The following LOC400499 variants were observed in gnomAD, a reference collection of about 807,000 sequenced individuals.
chr16:11,414,408 C>G, the LOC400499 span: 1 of 399,694 alleles, frequency 2.5e-6, no homozygotes, highest in Non-Finnish European at 4.4e-6. Flanking sequence ...TGGCCACCAG[C>G]TGCAGTGGGC....
At chr16:11,400,536 G>A in the LOC400499 span, among the ~76,000 whole-genome samples, 1 of 151,860 alleles carries the variant, frequency 6.6e-6, no homozygotes, top group Admixed American at 6.6e-5. Flanking sequence ...CACCTCCAGG[G>A]CTCAAACGAT....
At chr16:11,386,642 G>C in the LOC400499 span, among the ~76,000 whole-genome samples, 1 of 152,216 alleles carries the variant, frequency 6.6e-6, no homozygotes, top group Non-Finnish European at 1.5e-5. Context: ...TTTCACGGTG[G>C]AGCAAATAGA....
chr16:11,463,235 G>A, the LOC400499 span, among the ~76,000 whole-genome samples: 2 of 149,996 alleles, frequency 1.3e-5, no homozygotes, highest in African/African-American at 2.5e-5. Flanking sequence ...TGATGGCCCC[G>A]CCAACCTGTA....
the LOC400499 span, among the ~76,000 whole-genome samples, chr16:11,420,155 T>G: frequency 1.3e-5 from 2 of 150,716 alleles, no homozygotes; most frequent in South Asian, 4.2e-4. Flanking sequence ...GTATGTTTAT[T>G]GCGGCACTAT....
chr16:11,450,493 C>T, the LOC400499 span: 2 of 1,010,772 alleles, frequency 2.0e-6, no homozygotes, highest in Admixed American at 4.8e-5. Context: ...GGCCAGACTT[C>T]ACACACCTGT....
the LOC400499 span, among the ~76,000 whole-genome samples, chr16:11,413,281 A>G: frequency 6.6e-6 from 1 of 152,170 alleles, no homozygotes; most frequent in Admixed American, 6.5e-5. Flanking sequence ...GGCACAGGGT[A>G]TCCAGTCCAC....
the LOC400499 span, among the ~76,000 whole-genome samples, chr16:11,390,828 T>A: frequency 1.1e-3 from 171 of 152,308 alleles, no homozygotes; most frequent in Non-Finnish European, 2.1e-3. Context: ...AAGCAGCACC[T>A]GCCAGTGTGG....
the LOC400499 span, among the ~76,000 whole-genome samples, chr16:11,428,394 G>C: frequency 6.6e-6 from 1 of 152,190 alleles, no homozygotes; most frequent in Non-Finnish European, 1.5e-5. Flanking sequence ...GGCTAGTCTC[G>C]AACTCCTGAC....
chr16:11,428,136 A>G, the LOC400499 span, among the ~76,000 whole-genome samples: 4 of 152,178 alleles, frequency 2.6e-5, no homozygotes, highest in East Asian at 7.7e-4. Context: ...TCTTGATTAT[A>G]TGCTAAACTA....
At chr16:11,490,734 C>T in the LOC400499 span, among the ~76,000 whole-genome samples, 1 of 152,098 alleles carries the variant, frequency 6.6e-6, no homozygotes, top group African/African-American at 2.4e-5. Context: ...GCCAAGAGCA[C>T]AACAGCAAGT....
the LOC400499 span, chr16:11,385,402 C>G: frequency 8.1e-7 from 1 of 1,232,250 alleles, no homozygotes; most frequent in Non-Finnish European, 1.0e-6. Context: ...TGGGCCCCAG[C>G]CACCAGGGCA....
the LOC400499 span, chr16:11,385,302 A>C: frequency 1.6e-6 from 2 of 1,232,260 alleles, no homozygotes; most frequent in Non-Finnish European, 2.0e-6. Context: ...CGTCAGCGAG[A>C]ATGTGTTGTG....
At chr16:11,480,623 TAAG>T in the LOC400499 span, among the ~76,000 whole-genome samples, 1,904 of 152,056 alleles carry the variant, frequency 0.013, 29 homozygotes, top group African/African-American at 0.044. Flanking sequence ...CAAGTGACAA[TAAG>T]AAGAGAAAAA....
chr16:11,392,065 C>A, the LOC400499 span: 1 of 399,816 alleles, frequency 2.5e-6, no homozygotes, highest in Non-Finnish European at 4.4e-6. Context: ...CTCTTCCAGC[C>A]GGGCTTGCAC....
the LOC400499 span, chr16:11,425,291 G>T: frequency 0.02 from 7,815 of 399,144 alleles, 116 homozygotes; most frequent in Middle Eastern, 0.03. Context: ...CCTTCAGCTG[G>T]AGCTCTCCAG....
At chr16:11,383,892 G>A in the LOC400499 span, 2 of 1,232,134 alleles carry the variant, frequency 1.6e-6, no homozygotes, top group Non-Finnish European at 2.0e-6. Flanking sequence ...TCACCACCCG[G>A]AAGCAGTCCC....
chr16:11,412,788 A>G, the LOC400499 span: 1 of 398,498 alleles, frequency 2.5e-6, no homozygotes, highest in African/African-American at 2.1e-5. Context: ...CACAGCAGGT[A>G]CCCAGTCAAT....
the LOC400499 span, among the ~76,000 whole-genome samples, chr16:11,467,466 G>A: frequency 1.3e-5 from 2 of 151,254 alleles, no homozygotes; most frequent in African/African-American, 4.9e-5. Context: ...AAAAAAAGAA[G>A]CCAAGCATGG....
the LOC400499 span, among the ~76,000 whole-genome samples, chr16:11,404,320 G>A: frequency 6.6e-6 from 1 of 152,154 alleles, no homozygotes. Flanking sequence ...GACCCCTGGT[G>A]CCTAGATTAC....
Sources: gnomAD v4.1 joint callset for allele counts (sites outside exome capture counted in the v4.1 genomes callset) on GRCh38, gnomAD v4.1.1 for gene constraint, MANE v1.5 for transcripts.